The following PSD3 variants were observed in gnomAD, a reference collection of about 807,000 sequenced individuals.
PSD3 encodes PH and SEC7 domain-containing protein 3.
Under a neutral mutation model 105.5 loss-of-function variants are expected in PSD3, and 49 were observed. The observed-to-expected ratio is 0.46, with a 90% confidence interval of 0.37 to 0.59. The LOEUF is 0.59. Ranked by LOEUF, PSD3 falls within the 20% of genes least tolerant of loss-of-function variation. PSD3 has a pLI of 0.00. For missense variants in PSD3, 1,561 were observed against 1,263.8 expected (o/e 1.24, Z -3.57); for synonymous variants, 557 against 457.8 (o/e 1.22, Z -2.77).
chr8:18,627,978 C>T (rs117544629), intron 11 of PSD3, among the ~76,000 whole-genome samples: 12 of 151,464 alleles, frequency 7.9e-5, no homozygotes, highest in East Asian at 1.9e-4. Context: ...AGGAGAGAAA[C>T]GGAAGATATA....
chr8:18,649,743 G>A (rs1808330803), intron 10 of PSD3, among the ~76,000 whole-genome samples: 1 of 152,236 alleles, frequency 6.6e-6, no homozygotes, highest in African/African-American at 2.4e-5. Flanking sequence ...GGCGGTAAGT[G>A]ATTGGATCAT....
chr8:18,586,544 G>A (rs1393345887), intron 12 of PSD3, among the ~76,000 whole-genome samples: 1 of 152,138 alleles, frequency 6.6e-6, no homozygotes, highest in Non-Finnish European at 1.5e-5. Flanking sequence ...ATTCCAGTGG[G>A]TGGGGCAGGG....
chr8:18,837,329 G>C (rs1337699251), intron 4 of PSD3, among the ~76,000 whole-genome samples: 1 of 152,102 alleles, frequency 6.6e-6, no homozygotes, highest in Non-Finnish European at 1.5e-5. Flanking sequence ...AAGTCTTCCT[G>C]ACACAAGCCA....
chr8:18,677,951 A>G (rs575745753), intron 9 of PSD3, among the ~76,000 whole-genome samples: 37 of 150,746 alleles, frequency 2.5e-4, no homozygotes, highest in Non-Finnish European at 3.7e-4. Flanking sequence ...CAGAGCTTGC[A>G]GTGAGCCGAG....
chr8:18,759,078 T>TCACACACACACACACACACACACACA (rs199628183), intron 9 of PSD3, among the ~76,000 whole-genome samples: 6 of 148,638 alleles, frequency 4.0e-5, no homozygotes, highest in East Asian at 2.1e-4. Flanking sequence ...AACCCATTCT[T>TCACACACACACACACACACACACACA]CACACACACA....
chr8:19,004,910 T>G (rs1389549227), intron 1 of PSD3, among the ~76,000 whole-genome samples: 1 of 152,074 alleles, frequency 6.6e-6, no homozygotes, highest in African/African-American at 2.4e-5. Flanking sequence ...TGATCCTTCT[T>G]GCCTTCCACC....
chr8:18,941,525 G>A (rs1265791680), intron 1 of PSD3, among the ~76,000 whole-genome samples: 2 of 151,884 alleles, frequency 1.3e-5, no homozygotes, highest in African/African-American at 2.4e-5. Flanking sequence ...TAAATGGATG[G>A]GACAAACAAA....
intron 2 of PSD3, among the ~76,000 whole-genome samples, chr8:18,916,401 A>C (rs1277796746): frequency 2.0e-5 from 3 of 147,158 alleles, no homozygotes; most frequent in African/African-American, 5.0e-5. Context: ...TACAGCCTTA[A>C]AAATAAAGAA....
intron 1 of PSD3, among the ~76,000 whole-genome samples, chr8:19,020,897 G>C (rs752316391): frequency 6.6e-6 from 1 of 152,196 alleles, no homozygotes; most frequent in Admixed American, 6.5e-5. Flanking sequence ...TGGGAGATCA[G>C]GCTGTAATTT....
intron 11 of PSD3, among the ~76,000 whole-genome samples, chr8:18,600,702 T>C (rs1294379790): frequency 6.6e-6 from 1 of 152,158 alleles, no homozygotes; most frequent in Admixed American, 6.5e-5. Flanking sequence ...AATAACTTGC[T>C]AATGGTCCCA....
intron 8 of PSD3, among the ~76,000 whole-genome samples, chr8:18,779,130 T>C (rs373711612): frequency 3.9e-5 from 6 of 152,148 alleles, no homozygotes; most frequent in African/African-American, 1.4e-4. Flanking sequence ...TCAGTTTCAT[T>C]ACTCATTATT....
intron 1 of PSD3, among the ~76,000 whole-genome samples, chr8:18,988,113 AC>A (rs1554561145): frequency 1.4e-4 from 8 of 55,436 alleles, no homozygotes; most frequent in African/African-American, 3.1e-4. Context: ...ATAAATAAAT[AC>A]ATATATATAT....
intron 15 of PSD3, among the ~76,000 whole-genome samples, chr8:18,541,498 T>C (rs1343790898): frequency 6.6e-6 from 1 of 152,186 alleles, no homozygotes; most frequent in Non-Finnish European, 1.5e-5. Flanking sequence ...AATGATGTTT[T>C]TCACAAAAAT....
intron 12 of PSD3, among the ~76,000 whole-genome samples, chr8:18,595,133 G>C (rs1365583436): frequency 6.6e-6 from 1 of 151,840 alleles, no homozygotes; most frequent in Admixed American, 6.6e-5. Flanking sequence ...TAAAAGTATA[G>C]TTTTGGCATA....
At chr8:18,685,093 A>G (rs1192869818) in intron 9 of PSD3, among the ~76,000 whole-genome samples, 1 of 151,970 alleles carries the variant, frequency 6.6e-6, no homozygotes, top group African/African-American at 2.4e-5. Context: ...TACAAAGACC[A>G]CTCTGGGAAA....
intron 1 of PSD3, among the ~76,000 whole-genome samples, chr8:19,024,033 C>T (rs1827455524): frequency 6.6e-6 from 1 of 152,204 alleles, no homozygotes; most frequent in Non-Finnish European, 1.5e-5. Flanking sequence ...AAATTATCTG[C>T]ATCCTCCCAA....
chr8:18,808,486 T>G (rs528717142), intron 4 of PSD3, among the ~76,000 whole-genome samples: 4 of 152,326 alleles, frequency 2.6e-5, no homozygotes, highest in African/African-American at 7.2e-5. Context: ...TTTGCCCCTT[T>G]TCTACTATGC....
intron 10 of PSD3, among the ~76,000 whole-genome samples, chr8:18,652,648 C>T (rs1398194707): frequency 6.6e-6 from 1 of 151,768 alleles, no homozygotes; most frequent in African/African-American, 2.4e-5. Context: ...CAAGTGCACG[C>T]CACCACGCCC....
At chr8:18,708,739 G>A (rs1802052356) in intron 9 of PSD3, among the ~76,000 whole-genome samples, 1 of 152,004 alleles carries the variant, frequency 6.6e-6, no homozygotes, top group African/African-American at 2.4e-5. Flanking sequence ...CCACCCAGAG[G>A]AACAAAAACA....
Sources: gnomAD v4.1 joint callset for allele counts (sites outside exome capture counted in the v4.1 genomes callset) on GRCh38, gnomAD v4.1.1 for gene constraint, MANE v1.5 for transcripts, NCBI Gene and HGNC (gene_info 2026-07-23, HGNC 2026-07-21) for gene names.